Variants in PEX3 observed in about 807,000 individuals in gnomAD.
The protein encoded by PEX3 is peroxin-3.
Under a neutral mutation model 55.8 loss-of-function variants are expected in PEX3, and 30 were observed. The observed-to-expected ratio is 0.54, with a 90% CI of 0.40 to 0.73. PEX3 has a LOEUF of 0.73. Ranked by LOEUF, PEX3 falls within the 30% of genes least tolerant of loss-of-function variation. PEX3 has a pLI of 0.00. For synonymous variants in PEX3, 135 were observed against 148.4 expected (o/e 0.91, Z 0.66); for missense variants, 351 against 432.8 (o/e 0.81, Z 1.68).
At position 143,488,002 on chromosome 6, in the gene PEX3, C is replaced by T. The variant is rs963643980; in HGVS notation, c.1039-1141C>T. On this transcript the variant is annotated intron_variant, in intron 11 of 11. Transcript: ENST00000367591. This position sits in a 1 kb window ranked among gnomAD's most constrained non-coding sequence, Gnocchi z 4.9. ...TCATAGAAATCAAAACACAAAATTT[C>T]CCCTCAAATTCTTGGGCCCCTGAAA... Among the ~76,000 whole-genome samples the T allele has an allele frequency of 1.3e-5, 2 of 151,944 alleles. No individual in the cohort carries two copies. Among genetic ancestry groups the T allele is most frequent in the African/African-American group, 4.8e-5 (2 of 41,382 alleles).
chr6:143,475,515 TG>T lies in PEX3; in HGVS notation c.818+661del, dbSNP rs1780139900. 6.6e-6 allele frequency among the ~76,000 whole-genome samples: 1 copy of T among 152,122 alleles called. No homozygotes were observed. The highest frequency in any genetic ancestry group is 6.5e-5 in the Admixed American group (1 of 15,270). On this transcript the variant is annotated intron_variant, in intron 9 of 11. Transcript: ENST00000367591. The surrounding 1 kb of genome is among the most constrained non-coding windows in gnomAD (Gnocchi z 4.4). ...CAAAAGAAAAAAAATTAGCCAGGCA[TG>T]GTGGTGCACACCTGTGGTCCCAGTT... is the stretch of plus-strand genomic sequence containing the variant.
chr6:143,477,633 T>C lies in PEX3; in HGVS notation c.819-1443T>C, dbSNP rs1385958387. Among the ~76,000 whole-genome samples the C allele has an allele frequency of 3.9e-5, 6 of 152,156 alleles. No homozygotes were observed. In the South Asian group the frequency reaches 8.3e-4, roughly 21 times the overall value. ...GTGTGAAATAGGAAGCAAGCTCACC[T>C]ATTTCTCATTTCTTTCATTGGCCTA... On this transcript the variant is annotated intron_variant, in intron 9 of 11. Coordinates refer to ENST00000367591, the MANE Select transcript of PEX3 (RefSeq NM_003630.3).
chr6:143,458,238 A>G lies in PEX3; in HGVS notation c.74-847A>G, dbSNP rs1779872256. Among the ~76,000 whole-genome samples, 1 of 152,190 alleles carries G rather than the reference A, an allele frequency of 6.6e-6. No homozygotes were observed. The highest frequency in any genetic ancestry group is 2.4e-5 in the African/African-American group (1 of 41,442). ...TATAGACTAAAATGTACACATATAT[A>G]TCATACTGCCTATGCTGAAATCTGT... On this transcript the variant is annotated intron_variant, in intron 1 of 11. Transcript: ENST00000367591. This position sits in a 1 kb window ranked among gnomAD's most constrained non-coding sequence, Gnocchi z 6.1.
rs1780353953 is a variant in PEX3, at chr6:143,489,127, T to C, written c.1039-16T>C. ...ATGTTTTGCAAACTATAATGTTATA[T>C]TATCATCTTTGCTAGGATCTGTTGA... is the stretch of plus-strand genomic sequence containing the variant. On this transcript the variant is annotated splice_polypyrimidine_tract_variant and intron_variant, in intron 11 of 11. Transcript: ENST00000367591. The surrounding 1 kb of genome is among the most constrained non-coding windows in gnomAD (Gnocchi z 5.5). The C allele has an allele frequency of 3.9e-6, 6 of 1,555,294 alleles. No homozygotes were observed. The highest frequency in any genetic ancestry group is 4.4e-6 in the Non-Finnish European group (5 of 1,126,754).
rs550397630 is a variant in PEX3, at chr6:143,454,930, C to A, written c.73+3815C>A. On this transcript the variant is annotated intron_variant, in intron 1 of 11. Coordinates refer to ENST00000367591, the MANE Select transcript of PEX3 (RefSeq NM_003630.3). This position sits in a 1 kb window ranked among gnomAD's most constrained non-coding sequence, Gnocchi z 4.3. ...ACAGATTGTGAAGGGCCTTATGAAG[C>A]CATTCTACATAATTTGGACATTATC... Among the ~76,000 whole-genome samples, 2 of 152,244 alleles carry A rather than the reference C, an allele frequency of 1.3e-5. No individual in the cohort carries two copies. Among genetic ancestry groups the A allele is most frequent in the South Asian group, 4.1e-4 (2 of 4,824 alleles).
At position 143,476,648 on chromosome 6, in the gene PEX3, A is replaced by C. The variant is rs917538082; in HGVS notation, c.818+1792A>C. ...GTGGAATTATTTAGTGTGGGTTATGAAAGAGGAGGCAAGGATGACTCCTAG... is the reference window on the plus strand; with the variant it reads ...GTGGAATTATTTAGTGTGGGTTATGCAAGAGGAGGCAAGGATGACTCCTAG... On this transcript the variant is annotated intron_variant, in intron 9 of 11. Coordinates refer to ENST00000367591, the MANE Select transcript of PEX3 (RefSeq NM_003630.3). This position sits in a 1 kb window ranked among gnomAD's most constrained non-coding sequence, Gnocchi z 5.4. Among the ~76,000 whole-genome samples the C allele has an allele frequency of 1.3e-5, 2 of 152,230 alleles. No homozygotes were observed. The highest frequency in any genetic ancestry group is 1.5e-5 in the Non-Finnish European group (1 of 68,044).
At chr6:143,452,493 A>C (rs1779789175) in intron 1 of PEX3, among the ~76,000 whole-genome samples, 1 of 152,170 alleles carries the variant, frequency 6.6e-6, no homozygotes, top group South Asian at 2.1e-4. Flanking sequence ...CAGAAGGAAT[A>C]CTCCTTCAGC....
At chr6:143,455,359 A>ATTTTTTTTTT (rs56788350) in intron 1 of PEX3, among the ~76,000 whole-genome samples, 130 of 71,980 alleles carry the variant, frequency 1.8e-3, no homozygotes, top group Non-Finnish European at 2.4e-3. Flanking sequence ...CGCCCGGCTA[A>ATTTTTTTTTT]TTTTTTTTTT....
chr6:143,471,730 A>T lies in PEX3; in HGVS notation c.578+119A>T, dbSNP rs1467134617. The T allele has an allele frequency of 1.0e-5, 8 of 780,742 alleles. No individual in the cohort carries two copies. The East Asian group carries it at 2.0e-4, about 19-fold the overall frequency. The allele number at this position is 780,742 out of a possible 1,614,324, so 48.4% of individuals were successfully genotyped here. Reference sequence around the variant, plus strand: ...GGTGATTTGTGAAACTCTTTGTAATAAAATCAGATACCATCCTAGGATATT... The same window carrying T: ...GGTGATTTGTGAAACTCTTTGTAATTAAATCAGATACCATCCTAGGATATT... On this transcript the variant is annotated intron_variant, in intron 7 of 11. Coordinates refer to ENST00000367591, the MANE Select transcript of PEX3 (RefSeq NM_003630.3). This position sits in a 1 kb window ranked among gnomAD's most constrained non-coding sequence, Gnocchi z 5.4.
chr6:143,468,533 C>G (rs1780021416), intron 4 of PEX3, among the ~76,000 whole-genome samples: 1 of 152,092 alleles, frequency 6.6e-6, no homozygotes, highest in Non-Finnish European at 1.5e-5. Flanking sequence ...AAACAAAAAG[C>G]TAAACTAGGG....
rs941523000 is a variant in PEX3 at position 143,488,028 on chromosome 6, G to A, written c.1039-1115G>A. On this transcript the variant is annotated intron_variant, in intron 11 of 11. Transcript: ENST00000367591. This position sits in a 1 kb window ranked among gnomAD's most constrained non-coding sequence, Gnocchi z 4.9. ...CCCTCAAATTCTTGGGCCCCTGAAA[G>A]TATGTCTGTAAATTCTGGTTTGAGA... is the stretch of plus-strand genomic sequence containing the variant. Among the ~76,000 whole-genome samples, 2 of 152,046 alleles carry A rather than the reference G, an allele frequency of 1.3e-5. No individual in the cohort carries two copies. Among genetic ancestry groups the A allele is most frequent in the Admixed American group, 1.3e-4 (2 of 15,246 alleles).
At chr6:143,480,229 G>A (rs1328242389) in intron 10 of PEX3, among the ~76,000 whole-genome samples, 1 of 152,060 alleles carries the variant, frequency 6.6e-6, no homozygotes, top group Non-Finnish European at 1.5e-5. Context: ...TTCAGCTCAA[G>A]ACCAATCCTA....
chr6:143,467,952 T>C (rs997335271), intron 3 of PEX3, among the ~76,000 whole-genome samples, 170 bp from the exon 4 acceptor site: 2 of 152,184 alleles, frequency 1.3e-5, no homozygotes, highest in Non-Finnish European at 2.9e-5. Flanking sequence ...TTGTTATTGA[T>C]TACTGGAATT....
At position 143,462,999 on chromosome 6, in the gene PEX3, T is replaced by G; in HGVS notation, c.287+2T>G. On this transcript the variant is annotated splice_donor_variant, in intron 3 of 11. Coordinates refer to ENST00000367591, the MANE Select transcript of PEX3 (RefSeq NM_003630.3). LOFTEE classifies it high-confidence loss of function. The surrounding 1 kb of genome is among the most constrained non-coding windows in gnomAD (Gnocchi z 4.1). Reference sequence around the variant, plus strand: ...CCTCACAGCTCTGCTAAAAAACAGGTAAATGCAAGTTACAGCATTTTCTGT... The same window carrying G: ...CCTCACAGCTCTGCTAAAAAACAGGGAAATGCAAGTTACAGCATTTTCTGT... 1.9e-6 allele frequency: 3 copies of G among 1,605,078 alleles called. No individual in the cohort carries two copies. The highest frequency in any genetic ancestry group is 2.6e-6 in the Non-Finnish European group (3 of 1,171,796).
Position 143,471,679 on chromosome 6 carries a change from C to A in PEX3, c.578+68C>A. On this transcript the variant is annotated intron_variant, in intron 7 of 11. Coordinates refer to ENST00000367591, the MANE Select transcript of PEX3 (RefSeq NM_003630.3). This position sits in a 1 kb window ranked among gnomAD's most constrained non-coding sequence, Gnocchi z 5.4. ...TGAGTGAAAGAAAATTAGAATTGTT[C>A]TAGTGAAACCAGTGACTTGACAAAC... 1.8e-6 allele frequency: 2 copies of A among 1,097,408 alleles called. No individual in the cohort carries two copies. Among genetic ancestry groups the A allele is most frequent in the Non-Finnish European group, 1.4e-6 (1 of 711,262 alleles). 68.0% of individuals were successfully genotyped at this position (1,097,408 alleles called of 1,614,324 possible).
Position 143,486,219 on chromosome 6 carries a change from T to A in PEX3, c.1038+971T>A, listed in dbSNP as rs545284622. Among the ~76,000 whole-genome samples the A allele has an allele frequency of 2.6e-5, 4 of 152,250 alleles. No homozygotes were observed. The highest frequency in any genetic ancestry group is 2.6e-4 in the Admixed American group (4 of 15,278). On this transcript the variant is annotated intron_variant, in intron 11 of 11. Coordinates refer to ENST00000367591, the MANE Select transcript of PEX3 (RefSeq NM_003630.3). The surrounding 1 kb of genome is among the most constrained non-coding windows in gnomAD (Gnocchi z 5.0). ...CAGAAGAAATAGTGAATAAGACTGATCTCATTTTACTGAATGTTAAGCTTC... is the reference window on the plus strand; with the variant it reads ...CAGAAGAAATAGTGAATAAGACTGAACTCATTTTACTGAATGTTAAGCTTC...
chr6:143,457,437 C>A (rs1779862249), intron 1 of PEX3, among the ~76,000 whole-genome samples: 1 of 152,132 alleles, frequency 6.6e-6, no homozygotes, highest in South Asian at 2.1e-4. Context: ...TTAGCACATA[C>A]CCTTTTACTG....
intron 4 of PEX3, among the ~76,000 whole-genome samples, chr6:143,470,107 G>A (rs1265124136): frequency 1.3e-5 from 2 of 152,016 alleles, no homozygotes; most frequent in Non-Finnish European, 1.5e-5. Flanking sequence ...GTGCTGCCAT[G>A]CCCAGCTAAT....
rs965482624 is a variant in PEX3 at position 143,471,798 on chromosome 6, G to A, written c.578+187G>A. On this transcript the variant is annotated intron_variant, in intron 7 of 11. Transcript: ENST00000367591. This position sits in a 1 kb window ranked among gnomAD's most constrained non-coding sequence, Gnocchi z 5.4. ...TTCTTTATCTTTTTTTTTATACAGA[G>A]GGGAAAGTTTTAATGTTTCATTGTT... Among the ~76,000 whole-genome samples the A allele has an allele frequency of 2.0e-5, 3 of 151,978 alleles. No individual in the cohort carries two copies. Among genetic ancestry groups the A allele is most frequent in the African/African-American group, 7.2e-5 (3 of 41,396 alleles).
Sources: allele counts gnomAD v4.1 joint callset (sites outside exome capture counted in the v4.1 genomes callset), GRCh38; gene constraint gnomAD v4.1.1; non-coding constraint Gnocchi (gnomAD v3.1); transcripts MANE v1.5; gene names NCBI Gene and HGNC (gene_info 2026-07-23, HGNC 2026-07-21).